ANKFN1: variants seen among roughly 807,000 people sequenced by gnomAD.
The protein encoded by ANKFN1 is ankyrin repeat and fibronectin type-III domain-containing protein 1.
A neutral mutation model predicts 108.7 loss-of-function variants in ANKFN1; 74 were observed. The observed-to-expected ratio is 0.68, with a 90% confidence interval of 0.56 to 0.83. The LOEUF (loss-of-function observed/expected upper bound fraction) is 0.83, where lower values mean the gene tolerates loss of function less well. ANKFN1 is among the 40% of genes least tolerant of loss of function. The pLI is 0.00. For synonymous variants in ANKFN1, 547 were observed against 516.2 expected (o/e 1.06, Z -0.81); for missense variants, 1,505 against 1,382.3 (o/e 1.09, Z -1.41).
intron 1 of ANKFN1, among the ~76,000 whole-genome samples, chr17:56,204,293 C>T (rs892510016): frequency 2.0e-5 from 3 of 152,002 alleles, no homozygotes; most frequent in Admixed American, 6.6e-5. Flanking sequence ...GTGATCTGCC[C>T]GCCTCGGCCT....
intron 3 of ANKFN1, among the ~76,000 whole-genome samples, chr17:56,253,859 AT>A (rs1255680026): frequency 6.6e-6 from 1 of 152,082 alleles, no homozygotes; most frequent in Non-Finnish European, 1.5e-5. Context: ...ATAATAAAGG[AT>A]TTGCTTTGAT....
chr17:56,174,576 A>G (rs957183965), intron 1 of ANKFN1, among the ~76,000 whole-genome samples: 4 of 152,096 alleles, frequency 2.6e-5, no homozygotes, highest in African/African-American at 9.7e-5. Flanking sequence ...TTTTCTGCCT[A>G]TGGATCAGCT....
chr17:56,100,227 G>T (rs1387651504), intron 4 of ANKFN1, among the ~76,000 whole-genome samples: 1 of 152,214 alleles, frequency 6.6e-6, no homozygotes, highest in African/African-American at 2.4e-5. Flanking sequence ...TTCTCTGCAA[G>T]GAAGTTGTTA....
At chr17:56,347,763 G>C (rs1298858996) in intron 4 of ANKFN1, among the ~76,000 whole-genome samples, 4 of 152,088 alleles carry the variant, frequency 2.6e-5, no homozygotes, top group African/African-American at 7.2e-5. Flanking sequence ...GGGAGGATGA[G>C]AAGGAAGTCA....
intron 3 of ANKFN1, among the ~76,000 whole-genome samples, chr17:56,301,774 CACCGA>C (rs1480669475): frequency 2.6e-5 from 4 of 152,204 alleles, no homozygotes; most frequent in African/African-American, 9.6e-5. Context: ...AGAACATGAA[CACCGA>C]ACCAGGGTAC....
chr17:56,457,314 A>G lies in ANKFN1; in HGVS notation c.1365A>G (p.Glu455=). 1 of 1,605,374 alleles carries G rather than the reference A, an allele frequency of 6.2e-7. No homozygotes were observed. The highest frequency in any genetic ancestry group is 8.5e-7 in the Non-Finnish European group (1 of 1,174,626). Residue 455 remains glutamate, a synonymous_variant, in exon 13 of 21, where the codon GAA becomes GAG. Transcript: ENST00000682825. ...YYKDNILVTN[E]DQVPIVEIDD... Reference sequence around the variant, plus strand: ...AAGACAATATCTTAGTCACCAATGAAGATCAAGTACCAATTGTTGAAATAG... The same window carrying G: ...AAGACAATATCTTAGTCACCAATGAGGATCAAGTACCAATTGTTGAAATAG...
At chr17:56,476,886 T>G (rs183963182) in intron 15 of ANKFN1, among the ~76,000 whole-genome samples, 53 of 152,344 alleles carry the variant, frequency 3.5e-4, no homozygotes, top group African/African-American at 1.3e-3. Context: ...TGATTCATTC[T>G]TTCTTCATTC....
At position 56,492,218 on chromosome 17, in the gene ANKFN1, T is replaced by TCCAAC; in HGVS notation, c.2292_2293insCCAAC (p.Ser765ProfsTer17). The TCCAAC allele has an allele frequency of 1.4e-6, 1 of 702,068 alleles. No individual in the cohort carries two copies. The allele number at this position is 702,068 out of a possible 1,614,324, so 43.5% of individuals were successfully genotyped here. A position where few individuals can be genotyped will look rare whatever the true frequency, so the allele number is the denominator to read the frequency against. ...TTTGCAGCTACAGAGAGAAATTTATTAGTCTGTATTGCCGCCTTTCTGCTG... is the reference window on the plus strand; with the variant it reads ...TTTGCAGCTACAGAGAGAAATTTATTCCAACAGTCTGTATTGCCGCCTTTCTGCTG... On this transcript the variant is annotated frameshift_variant, in exon 19 of 21. Transcript: ENST00000682825. LOFTEE classifies it high-confidence loss of function.
At chr17:56,224,872 T>G (rs944209847) in intron 2 of ANKFN1, 3 of 152,300 alleles carry the variant, frequency 2.0e-5, no homozygotes, top group Admixed American at 1.3e-4. Context: ...CTGTTCTGTA[T>G]GAACCTTGCT....
chr17:56,092,771 A>C (rs1259755448), intron 4 of ANKFN1, among the ~76,000 whole-genome samples: 2 of 150,798 alleles, frequency 1.3e-5, no homozygotes, highest in East Asian at 3.9e-4. Flanking sequence ...TTCCAAGCTC[A>C]TTTTGTTGGC....
At chr17:56,406,098 G>A (rs1052310774) in intron 8 of ANKFN1, among the ~76,000 whole-genome samples, 3 of 152,062 alleles carry the variant, frequency 2.0e-5, no homozygotes, top group Admixed American at 1.3e-4. Flanking sequence ...AGAGGAAAAG[G>A]CAATGGGAAA....
rs774990900 is a variant in ANKFN1 at position 56,457,973 on chromosome 17, G to T, written c.1551G>T (p.Gln517His). ...TRQKMLAATAQLQNLLGTHNL... is the reference protein window; with the variant it reads ...TRQKMLAATAHLQNLLGTHNL... The stretch of plus-strand genomic sequence containing the variant: ...AGAAGATGCTCGCAGCAACAGCACA[G>T]CTACAGGTAAGGGACCAGGTTTCAA... The change falls in exon 14 of 21, where the codon CAG becomes CAT. Residue 517 changes from glutamine to histidine, a missense_variant. Coordinates refer to ENST00000682825, the MANE Select transcript of ANKFN1 (RefSeq NM_001370326.1). The T allele has an allele frequency of 1.2e-6, 2 of 1,613,550 alleles. No homozygotes were observed. The highest frequency in any genetic ancestry group is 1.1e-5 in the South Asian group (1 of 90,968).
intron 3 of ANKFN1, among the ~76,000 whole-genome samples, chr17:56,229,177 T>C (rs957799396): frequency 3.9e-5 from 6 of 152,168 alleles, no homozygotes; most frequent in Non-Finnish European, 7.4e-5. Flanking sequence ...CATTCACTGA[T>C]ATTTTTTAAA....
intron 1 of ANKFN1, among the ~76,000 whole-genome samples, chr17:56,177,508 A>G (rs771817566): frequency 7.9e-5 from 12 of 152,204 alleles, no homozygotes; most frequent in Non-Finnish European, 1.6e-4. Context: ...GTTACAAGGG[A>G]ATATTTTTCA....
At chr17:56,351,937 G>A (rs1321749790) in intron 5 of ANKFN1, among the ~76,000 whole-genome samples, 2 of 152,172 alleles carry the variant, frequency 1.3e-5, no homozygotes, top group Non-Finnish European at 2.9e-5. Flanking sequence ...AAAGCTTGGA[G>A]GAGGAAATGA....
chr17:56,366,234 T>C (rs1359340775), intron 6 of ANKFN1, among the ~76,000 whole-genome samples: 2 of 152,194 alleles, frequency 1.3e-5, no homozygotes, highest in African/African-American at 2.4e-5. Context: ...GTGGTACTGT[T>C]TGTTTGTGTT....
intron 4 of ANKFN1, among the ~76,000 whole-genome samples, chr17:56,077,629 C>T (rs1212189154): frequency 6.6e-6 from 1 of 152,202 alleles, no homozygotes; most frequent in Non-Finnish European, 1.5e-5. Flanking sequence ...CTTTACTCCC[C>T]TTCTCTGGCC....
chr17:56,487,142 GAT>G (rs2050881734), intron 18 of ANKFN1, among the ~76,000 whole-genome samples: 1 of 152,144 alleles, frequency 6.6e-6, no homozygotes, highest in Non-Finnish European at 1.5e-5. Context: ...GATGTTATGA[GAT>G]CAGGTTGAGG....
At chr17:56,122,476 A>C (rs1906684442) in intron 4 of ANKFN1, among the ~76,000 whole-genome samples, 1 of 152,160 alleles carries the variant, frequency 6.6e-6, no homozygotes, top group African/African-American at 2.4e-5. Flanking sequence ...TATAATGATT[A>C]GAAGCATAGT....
Sources: gnomAD v4.1 joint callset for allele counts (sites outside exome capture counted in the v4.1 genomes callset) on GRCh38, gnomAD v4.1.1 for gene constraint, MANE v1.5 for transcripts, NCBI Gene and HGNC (gene_info 2026-07-23, HGNC 2026-07-21) for gene names.